The following PGAM2 variants were observed in gnomAD, a reference collection of about 807,000 sequenced individuals.
The protein encoded by PGAM2 is BPG-dependent PGAM 2.
A neutral mutation model predicts 22.5 loss-of-function variants in PGAM2; 23 were observed. That is an observed-to-expected ratio of 1.02 (90% CI 0.74 to 1.45). The LOEUF (loss-of-function observed/expected upper bound fraction) is 1.45. PGAM2 is among the 40% of genes most tolerant of loss of function. The pLI, the probability that PGAM2 is intolerant of heterozygous loss-of-function variation, is 0.00. For synonymous variants in PGAM2, 133 were observed against 138.6 expected (o/e 0.96, Z 0.29); for missense variants, 349 against 356.2 (o/e 0.98, Z 0.16).
chr7:44,064,620 A>C, intron 2 of PGAM2: 2 of 591,758 alleles, frequency 3.4e-6, no homozygotes, highest in Non-Finnish European at 6.1e-6. Flanking sequence ...CTTCGAGTGC[A>C]GTCAGCCCCT....
chr7:44,062,994 T>G lies in PGAM2; in HGVS notation c.596-64A>C, dbSNP rs1003662509. ...CCCAGCCTGTTTACACAGCAGACAC[T>G]ATGTGACCTTTATGGTCCACAGAGC... On this transcript the variant is annotated intron_variant, in intron 2 of 2. Coordinates refer to ENST00000297283, the MANE Select transcript of PGAM2 (RefSeq NM_000290.4). 6 of 1,546,028 alleles carry G rather than the reference T, an allele frequency of 3.9e-6. No homozygotes were observed. In the East Asian group the frequency reaches 1.3e-4, roughly 35 times the overall value.
intron 2 of PGAM2, chr7:44,064,017 C>G (rs2096154272): frequency 6.6e-6 from 1 of 152,658 alleles, no homozygotes; most frequent in Non-Finnish European, 1.5e-5. Flanking sequence ...TCTGGGTGCT[C>G]TGGCCAACTG....
chr7:44,065,134 G>C lies in PGAM2; in HGVS notation c.396C>G (p.Tyr132Ter), dbSNP rs2128796414. The C allele has an allele frequency of 6.2e-7, 1 of 1,614,056 alleles. No homozygotes were observed. The highest frequency in any genetic ancestry group is 2.2e-5 in the East Asian group (1 of 44,890). The part of the protein sequence containing the change: ...PPPPMDEKHP[Y>*]YNSISKERRY... ...AGCCCACCTTGCTAATGGAGTTGTAGTAGGGGTGCTTCTCGTCCATCGGGG... is the reference window on the plus strand; with the variant it reads ...AGCCCACCTTGCTAATGGAGTTGTACTAGGGGTGCTTCTCGTCCATCGGGG... Residue 132 changes from tyrosine (Y) to a stop codon, truncating the protein, a stop_gained, in exon 1 of 3, where the codon TAC (tyrosine) becomes TAG (stop). Transcript: ENST00000297283. LOFTEE classifies it high-confidence loss of function.
intron 2 of PGAM2, 26 bp downstream of exon 2, chr7:44,064,801 ACCCTG>A: frequency 1.4e-6 from 1 of 706,522 alleles, no homozygotes; most frequent in Non-Finnish European, 2.4e-6. Context: ...CTGCCCACCC[ACCCTG>A]CCCAGGCTCC....
rs565625154 is a variant in PGAM2 at position 44,063,026 on chromosome 7, C to A, written c.596-96G>T. ...CCTTTATGGTCCACAGAGCCAGTTC[C>A]CCTGGCACCAATTCCTTCCCAGCCC... On this transcript the variant is annotated intron_variant, in intron 2 of 2. Coordinates refer to ENST00000297283, the MANE Select transcript of PGAM2 (RefSeq NM_000290.4). 24 of 1,319,584 alleles carry A rather than the reference C, an allele frequency of 1.8e-5. No individual in the cohort carries two copies. The East Asian group carries it at 5.3e-4, about 29-fold the overall frequency. The allele number at this position is 1,319,584 out of a possible 1,614,324, so 81.7% of individuals were successfully genotyped here.
chr7:44,065,269 G>A lies in PGAM2; in HGVS notation c.261C>T (p.Leu87=). 3 of 1,613,748 alleles carry A rather than the reference G, an allele frequency of 1.9e-6. No individual in the cohort carries two copies. Among genetic ancestry groups the A allele is most frequent in the African/African-American group, 2.7e-5 (2 of 75,066 alleles). ...MWLPVVRTWR[L]NERHYGGLTG... is the part of the protein sequence containing the mutation. ...TGAGGCCCCCGTAATGCCGCTCATT[G>A]AGGCGCCAAGTGCGCACCACAGGCA... Residue 87 remains leucine (L), a synonymous_variant, in exon 1 of 3, where the codon CTC becomes CTT. Coordinates refer to ENST00000297283, the MANE Select transcript of PGAM2 (RefSeq NM_000290.4).
chr7:44,065,023 C>G lies in PGAM2; in HGVS notation c.415-11G>C. 1.2e-6 allele frequency: 2 copies of G among 1,606,680 alleles called. No individual in the cohort carries two copies. Among genetic ancestry groups the G allele is most frequent in the Non-Finnish European group, 1.7e-6 (2 of 1,179,540 alleles). On this transcript the variant is annotated splice_polypyrimidine_tract_variant and intron_variant, in intron 1 of 2. Coordinates refer to ENST00000297283, the MANE Select transcript of PGAM2 (RefSeq NM_000290.4). The stretch of plus-strand genomic sequence containing the variant: ...TGCGTACCGACGCTCCTGGGGGACA[C>G]AGGCACGCTGCTTTCCCTCCCAAGC...
In PGAM2 at chr7:44,065,185, C is replaced by T. The variant is rs772891055; in HGVS notation, c.345G>A (p.Trp115Ter). The change falls in exon 1 of 3, where the codon TGG becomes TGA. Residue 115 changes from tryptophan to a stop codon, truncating the protein, a stop_gained. Transcript: ENST00000297283. LOFTEE classifies it high-confidence loss of function. The part of the protein sequence containing the change: ...AKHGEEQVKI[W>*]RRSFDIPPPP... Reference sequence around the variant, plus strand: ...GCGGCGGGATGTCGAAGGAGCGCCTCCAGATCTTCACCTGCTCCTCCCCGT... The same window carrying T: ...GCGGCGGGATGTCGAAGGAGCGCCTTCAGATCTTCACCTGCTCCTCCCCGT... 2 of 1,613,990 alleles carry T rather than the reference C, an allele frequency of 1.2e-6. No homozygotes were observed. Among genetic ancestry groups the T allele is most frequent in the Non-Finnish European group, 1.7e-6 (2 of 1,180,044 alleles).
chr7:44,065,042 C>G, intron 1 of PGAM2, 30 bp from the exon 2 acceptor site: 1 of 1,608,236 alleles, frequency 6.2e-7, no homozygotes, highest in Non-Finnish European at 8.5e-7. Flanking sequence ...TGCTTTCCCT[C>G]CCAAGCCAGT....
Position 44,062,758 on chromosome 7 carries a change from C to A in PGAM2, c.*6G>T, listed in dbSNP as rs1307368394. ...GGGAGGTGCCTTTATTGCCCAAGCC[C>A]ACCCCTCACTTGGCCTTGCCCTGGG... On this transcript the variant is annotated 3_prime_UTR_variant, in exon 3 of 3. Transcript: ENST00000297283. 1.9e-6 allele frequency: 3 copies of A among 1,614,054 alleles called. No individual in the cohort carries two copies. The East Asian group carries it at 6.7e-5, about 36-fold the overall frequency.
Position 44,065,553 on chromosome 7 carries a change from ACT to A in PGAM2, c.-26_-25del, listed in dbSNP as rs954759703. On this transcript the variant is annotated 5_prime_UTR_variant, in exon 1 of 3. Transcript: ENST00000297283. ...ATGGTGGCAGCAGGGACCACAGAGG[ACT>A]CTGGACGGGGACGGCTGCTTCCCAA... 2 of 1,611,044 alleles carry A rather than the reference ACT, an allele frequency of 1.2e-6. No homozygotes were observed. Among genetic ancestry groups the A allele is most frequent in the Non-Finnish European group, 1.7e-6 (2 of 1,178,236 alleles).
At position 44,065,107 on chromosome 7, in the gene PGAM2, G is replaced by A. The variant is rs1418555672; in HGVS notation, c.414+9C>T. On this transcript the variant is annotated intron_variant, in intron 1 of 2. Coordinates refer to ENST00000297283, the MANE Select transcript of PGAM2 (RefSeq NM_000290.4). The stretch of plus-strand genomic sequence containing the variant: ...CTTCCCAGAGGCCTTCCCAGCAAAG[G>A]CAGCCCACCTTGCTAATGGAGTTGT... 6.2e-7 allele frequency: 1 copy of A among 1,613,608 alleles called. No individual in the cohort carries two copies. Among genetic ancestry groups the A allele is most frequent in the Admixed American group, 1.7e-5 (1 of 60,018 alleles).
At chr7:44,064,808 C>A in intron 2 of PGAM2, 24 bp downstream of exon 2, 1 of 1,553,288 alleles carries the variant, frequency 6.4e-7, no homozygotes, top group South Asian at 1.2e-5. Flanking sequence ...CCCACCCTGC[C>A]CAGGCTCCTG....
chr7:44,065,308 C>T lies in PGAM2; in HGVS notation c.222G>A (p.Thr74=), dbSNP rs778951143. The change falls in exon 1 of 3, where the codon ACG becomes ACA. Residue 74 remains threonine, a synonymous_variant. Transcript: ENST00000297283. ...GCACCACAGGCAGCCACATCTGGTC[C>T]GTGCCGTCCAGGATGGCCCAGAGGG... ...IRTLWAILDG[T]DQMWLPVVRT... 1.5e-5 allele frequency: 24 copies of T among 1,613,602 alleles called. No homozygotes were observed. The highest frequency in any genetic ancestry group is 4.4e-5 in the South Asian group (4 of 91,092).
rs370359405 is a variant in PGAM2 at position 44,065,029 on chromosome 7, C to T, written c.415-17G>A. On this transcript the variant is annotated splice_polypyrimidine_tract_variant and intron_variant, in intron 1 of 2. Transcript: ENST00000297283. ...CCGACGCTCCTGGGGGACACAGGCA[C>T]GCTGCTTTCCCTCCCAAGCCAGTGG... is the stretch of plus-strand genomic sequence containing the variant. The T allele has an allele frequency of 1.0e-4, 160 of 1,606,768 alleles. No homozygotes were observed. Among genetic ancestry groups the T allele is most frequent in the Middle Eastern group, 9.9e-4 (6 of 6,058 alleles).
intron 2 of PGAM2, chr7:44,064,272 C>T (rs960600809): frequency 6.1e-6 from 1 of 165,060 alleles, no homozygotes; most frequent in Admixed American, 5.7e-5. Context: ...CTGGCCACTC[C>T]ATAGTCCTGC....
Position 44,065,503 on chromosome 7 carries a change from G to A in PGAM2, c.27C>T (p.Val9=). Residue 9 remains valine (V), a synonymous_variant, in exon 1 of 3, where the codon GTC becomes GTT. Transcript: ENST00000297283. ...GGTTCCATGTGCTCTCGCCGTGCCGGACCATCACGAGGCGGTGAGTGGCCA... is the reference window on the plus strand; with the variant it reads ...GGTTCCATGTGCTCTCGCCGTGCCGAACCATCACGAGGCGGTGAGTGGCCA... The part of the protein sequence containing the change: MATHRLVM[V]RHGESTWNQE... 6.2e-7 allele frequency: 1 copy of A among 1,614,028 alleles called. No homozygotes were observed. The highest frequency in any genetic ancestry group is 8.5e-7 in the Non-Finnish European group (1 of 1,180,042).
chr7:44,064,797 A>ACCCC, intron 2 of PGAM2, 35 bp downstream of exon 2: 2 of 633,298 alleles, frequency 3.2e-6, no homozygotes, highest in Non-Finnish European at 5.5e-6. Flanking sequence ...GCTGCTGCCC[A>ACCCC]CCCACCCTGC....
Position 44,064,032 on chromosome 7 carries a change from ACG to A in PGAM2, c.595+798_595+799del, listed in dbSNP as rs74493919. On this transcript the variant is annotated intron_variant, in intron 2 of 2. Coordinates refer to ENST00000297283, the MANE Select transcript of PGAM2 (RefSeq NM_000290.4). ...TCTGGGTGCTCTGGCCAACTGCCCA[ACG>A]GCCCTAGGAGCAGGAGGTCTGGGGC... 3.9e-5 allele frequency: 6 copies of A among 152,590 alleles called. No homozygotes were observed. In the East Asian group the frequency reaches 1.2e-3, roughly 29 times the overall value. 9.5% of individuals were successfully genotyped at this position (152,590 alleles called of 1,614,324 possible).
Sources: gnomAD v4.1 joint callset for allele counts on GRCh38, gnomAD v4.1.1 for gene constraint, MANE v1.5 for transcripts, NCBI Gene and HGNC (gene_info 2026-07-23, HGNC 2026-07-21) for gene names.